CACNA1A: variants seen among roughly 807,000 people sequenced by gnomAD.
CACNA1A encodes voltage-dependent P/Q-type calcium channel subunit alpha-1A.
In CACNA1A, 57 loss-of-function variants were observed where a neutral mutation model predicts 262.4. That is an observed-to-expected ratio of 0.22 (90% CI 0.18 to 0.27). The LOEUF (loss-of-function observed/expected upper bound fraction) is 0.27, where lower values mean the gene tolerates loss of function less well. Ranked by LOEUF, CACNA1A falls within the 10% of genes least tolerant of loss-of-function variation. The probability of loss-of-function intolerance (pLI) is 1.00; values close to 1 mark genes in which losing one functional copy is unlikely to be tolerated. For missense variants in CACNA1A, 2,526 were observed against 3,562.8 expected, an observed-to-expected ratio of 0.71 and a Z score of 7.41; for synonymous variants, 1,431 against 1,419.3, an observed-to-expected ratio of 1.01 and a Z score of -0.18.
At chr19:13,484,302 C>T (rs61076736) in intron 1 of CACNA1A, among the ~76,000 whole-genome samples, 18,628 of 152,132 alleles carry the variant, frequency 0.12, 2,031 homozygotes, top group East Asian at 0.58. Context: ...GTTGAATTGG[C>T]TCCAGAAACC....
intron 3 of CACNA1A, among the ~76,000 whole-genome samples, chr19:13,444,552 C>T (rs1253317742): frequency 6.6e-6 from 1 of 152,160 alleles, no homozygotes; most frequent in East Asian, 1.9e-4. Flanking sequence ...AAGCGAGGAA[C>T]TGGGATTATT....
intron 3 of CACNA1A, among the ~76,000 whole-genome samples, chr19:13,374,789 C>A (rs2059378098): frequency 6.6e-6 from 1 of 152,176 alleles, no homozygotes; most frequent in African/African-American, 2.4e-5. Flanking sequence ...CAGGCCCTAT[C>A]TCTGTGTGGG....
chr19:13,303,711 C>T (rs1458462324), intron 16 of CACNA1A, 56 bp downstream of exon 16: 17 of 1,563,438 alleles, frequency 1.1e-5, no homozygotes, highest in Non-Finnish European at 1.5e-5. Context: ...GCCCCTGCAA[C>T]CTCTCCTCTG....
At chr19:13,491,518 C>G (rs554873909) in intron 1 of CACNA1A, among the ~76,000 whole-genome samples, 1 of 151,954 alleles carries the variant, frequency 6.6e-6, no homozygotes, top group Admixed American at 6.6e-5. Context: ...AGGGCCTTTC[C>G]GTCATGAATG....
At position 13,261,450 on chromosome 19, in the gene CACNA1A, C is replaced by T. The variant is rs1568471977; in HGVS notation, c.4250G>A (p.Arg1417Gln). 1 of 1,566,736 alleles carries T rather than the reference C, an allele frequency of 6.4e-7. No individual in the cohort carries two copies. The stretch of plus-strand genomic sequence containing the variant: ...AATGTGCTGGAAAGTGGAGACCCAC[C>T]GACAATCTTTCTCAAACTCTTTGGA... ...DESKEFEKDC[R>Q]GKYLLYEKNE... The change falls in exon 26 of 47, where the codon CGA becomes CAA. Residue 1417 changes from arginine (R) to glutamine (Q), a missense_variant and splice_region_variant. Transcript: ENST00000360228.
intron 3 of CACNA1A, among the ~76,000 whole-genome samples, chr19:13,376,589 A>T (rs180784277): frequency 8.6e-4 from 128 of 148,694 alleles, no homozygotes; most frequent in Admixed American, 3.0e-3. Flanking sequence ...ATAACATATG[A>T]GATATATAAC....
At chr19:13,428,114 G>C (rs1216781938) in intron 3 of CACNA1A, among the ~76,000 whole-genome samples, 2 of 152,206 alleles carry the variant, frequency 1.3e-5, no homozygotes, top group African/African-American at 4.8e-5. Flanking sequence ...TATTAGCAGA[G>C]ACAGGGTTTC....
intron 3 of CACNA1A, among the ~76,000 whole-genome samples, chr19:13,398,224 T>C (rs762554938): frequency 1.4e-4 from 21 of 151,220 alleles, no homozygotes; most frequent in Non-Finnish European, 2.8e-4. Context: ...ACTGGGCCAT[T>C]GCACTCATGC....
rs965849881 is a variant in CACNA1A at position 13,432,514 on chromosome 19, A to C, written c.539+20362T>G. Among the ~76,000 whole-genome samples, 3 of 152,044 alleles carry C rather than the reference A, an allele frequency of 2.0e-5. No homozygotes were observed. The East Asian group carries it at 5.8e-4, about 29-fold the overall frequency. On this transcript the variant is annotated intron_variant, in intron 3 of 46. Transcript: ENST00000360228. ...GGAAGCAGAGAGAATGGTGGTTACC[A>C]GGGGCTGGTGGTGGAGGGATTGGGG...
intron 15 of CACNA1A, 121 bp downstream of exon 15, chr19:13,307,661 A>C (rs2057932658): frequency 5.5e-6 from 4 of 728,252 alleles, no homozygotes; most frequent in Non-Finnish European, 9.7e-6. Context: ...TGTGTTTCAA[A>C]GTGGTGTGAA....
intron 6 of CACNA1A, among the ~76,000 whole-genome samples, chr19:13,340,649 A>T (rs1361558714): frequency 6.6e-6 from 1 of 151,704 alleles, no homozygotes; most frequent in East Asian, 1.9e-4. Flanking sequence ...CTGGTCTCGA[A>T]CTCCCGACCT....
At chr19:13,253,866 C>G (rs759386409) in intron 29 of CACNA1A, among the ~76,000 whole-genome samples, 1 of 151,984 alleles carries the variant, frequency 6.6e-6, no homozygotes, top group Non-Finnish European at 1.5e-5. Context: ...CAGCCTCTCA[C>G]GCAGCTGGTA....
chr19:13,375,162 A>T (rs1358196198), intron 3 of CACNA1A, among the ~76,000 whole-genome samples: 2 of 152,026 alleles, frequency 1.3e-5, no homozygotes, highest in Non-Finnish European at 2.9e-5. Context: ...ACTTTTACAT[A>T]ATTATTACAT....
At chr19:13,400,886 G>A (rs906287163) in intron 3 of CACNA1A, among the ~76,000 whole-genome samples, 3 of 152,232 alleles carry the variant, frequency 2.0e-5, no homozygotes, top group Admixed American at 6.5e-5. Flanking sequence ...GTAAAGTGGC[G>A]TGATCTTTGC....
In CACNA1A at chr19:13,206,641, CATT is replaced by C. The variant is rs2054577517; in HGVS notation, c.*669_*671del. The stretch of plus-strand genomic sequence containing the variant: ...AGAAAAAAATGCCTCTTTTCTCAAT[CATT>C]AATTTTTTTGTCCTTTTTAAAATTG... On this transcript the variant is annotated 3_prime_UTR_variant, in exon 47 of 47. Coordinates refer to ENST00000360228, the MANE Select transcript of CACNA1A (RefSeq NM_001127222.2). 3 of 153,240 alleles carry C rather than the reference CATT, an allele frequency of 2.0e-5. No individual in the cohort carries two copies. The highest frequency in any genetic ancestry group is 2.1e-4 in the South Asian group (1 of 4,862). The allele number at this position is 153,240 out of a possible 1,614,324, so 9.5% of individuals were successfully genotyped here. A position where few individuals can be genotyped will look rare whatever the true frequency, so the allele number is the denominator to read the frequency against.
chr19:13,240,969 C>T (rs2056066060), intron 31 of CACNA1A, among the ~76,000 whole-genome samples: 1 of 152,246 alleles, frequency 6.6e-6, no homozygotes, highest in Admixed American at 6.5e-5. Context: ...CGGCACACTG[C>T]CTGGCCTTCA....
chr19:13,467,837 T>A (rs2061281660), intron 1 of CACNA1A, among the ~76,000 whole-genome samples: 1 of 152,030 alleles, frequency 6.6e-6, no homozygotes, highest in Admixed American at 6.6e-5. Context: ...ACTCCTGACC[T>A]CAGGTGATCC....
rs1459317798 is a variant in CACNA1A at position 13,208,894 on chromosome 19, G to A, written c.6642C>T (p.His2214=). The A allele has an allele frequency of 2.6e-5, 40 of 1,535,560 alleles. No individual in the cohort carries two copies. The highest frequency in any genetic ancestry group is 3.2e-5 in the Non-Finnish European group (37 of 1,146,284). The change falls in exon 46 of 47, where the codon CAC becomes CAT. Residue 2214 remains histidine, a synonymous_variant. Coordinates refer to ENST00000360228, the MANE Select transcript of CACNA1A (RefSeq NM_001127222.2). The part of the protein sequence containing the change: ...DRKHRQHHHH[H]HHHHHPPPPD... ...GGGGCGGGGGATGGTGGTGGTGGTG[G>A]TGGTGGTGGTGGTGCTGTCGATGCT... is the stretch of plus-strand genomic sequence containing the variant.
chr19:13,291,988 C>T (rs1344872177), intron 19 of CACNA1A, among the ~76,000 whole-genome samples: 2 of 152,218 alleles, frequency 1.3e-5, no homozygotes, highest in East Asian at 1.9e-4. Context: ...AGGATGCGAA[C>T]AGCAGAGATA....
Sources: allele counts gnomAD v4.1 joint callset (sites outside exome capture counted in the v4.1 genomes callset), GRCh38; gene constraint gnomAD v4.1.1; transcripts MANE v1.5; gene names NCBI Gene and HGNC (gene_info 2026-07-23, HGNC 2026-07-21).